CAMKK2: variants seen among roughly 807,000 people sequenced by gnomAD.
The protein encoded by CAMKK2 is calcium/calmodulin dependent protein kinase kinase 2.
Under a neutral mutation model 67.2 loss-of-function variants are expected in CAMKK2, and 30 were observed. That is an observed-to-expected ratio of 0.45 (90% CI 0.33 to 0.61). The LOEUF (loss-of-function observed/expected upper bound fraction) is 0.61. CAMKK2 is among the 20% of genes least tolerant of loss of function. The pLI is 0.02. For synonymous variants in CAMKK2, 322 were observed against 326.2 expected (o/e 0.99, Z 0.14); for missense variants, 643 against 802.0 (o/e 0.80, Z 2.39).
intron 14 of CAMKK2, among the ~76,000 whole-genome samples, chr12:121,246,586 C>A (rs914718832): frequency 3.9e-5 from 6 of 152,070 alleles, no homozygotes; most frequent in Non-Finnish European, 7.4e-5. Context: ...TCTTCCCCTA[C>A]TGAGGTTCTT....
At chr12:121,270,534 T>G (rs1895549386) in intron 3 of CAMKK2, among the ~76,000 whole-genome samples, 1 of 152,120 alleles carries the variant, frequency 6.6e-6, no homozygotes, top group South Asian at 2.1e-4. Flanking sequence ...TTACTTGTTT[T>G]CTACTGGCAT....
intron 1 of CAMKK2, among the ~76,000 whole-genome samples, chr12:121,293,783 T>C (rs1004115892): frequency 2.6e-5 from 4 of 152,022 alleles, no homozygotes; most frequent in African/African-American, 7.2e-5. Flanking sequence ...GACACCTCCT[T>C]CAGGGAGCCT....
At position 121,270,898 on chromosome 12, in the gene CAMKK2, C is replaced by G; in HGVS notation, c.519G>C (p.Lys173Asn). ...CCAGCCTAGCCCCAGGGATATTTAC[C>G]TTTCCAATTTCATCCTTCAGGGTAT... ...NQYTLKDEIG[K>N]GSYGVVKLAY... Residue 173 changes from lysine to asparagine, a missense_variant and splice_region_variant, in exon 3 of 17, where the codon AAG becomes AAC. Transcript: ENST00000404169. 1 of 1,612,810 alleles carries G rather than the reference C, an allele frequency of 6.2e-7. No homozygotes were observed. Among genetic ancestry groups the G allele is most frequent in the Non-Finnish European group, 8.5e-7 (1 of 1,178,868 alleles).
chr12:121,248,975 G>T (rs754556371), intron 13 of CAMKK2, among the ~76,000 whole-genome samples: 1 of 152,262 alleles, frequency 6.6e-6, no homozygotes, highest in African/African-American at 2.4e-5. Flanking sequence ...ATCCGGCCCC[G>T]GGTCTTGGCC....
intron 1 of CAMKK2, among the ~76,000 whole-genome samples, chr12:121,279,660 C>T (rs1897392465): frequency 6.6e-6 from 1 of 152,186 alleles, no homozygotes; most frequent in Admixed American, 6.5e-5. Context: ...TGCAAAGTTG[C>T]TTGGATTTGA....
chr12:121,271,469 C>A (rs979327447), intron 2 of CAMKK2, among the ~76,000 whole-genome samples: 1 of 151,492 alleles, frequency 6.6e-6, no homozygotes, highest in Non-Finnish European at 1.5e-5. Context: ...CAAAATGTAA[C>A]CACACACTGT....
intron 2 of CAMKK2, among the ~76,000 whole-genome samples, chr12:121,273,467 G>A (rs1452905185): frequency 2.6e-5 from 4 of 152,042 alleles, no homozygotes; most frequent in African/African-American, 4.8e-5. Context: ...CTGTATCCCC[G>A]CAGGGTTTAC....
At chr12:121,281,553 A>G (rs1249283089) in intron 1 of CAMKK2, among the ~76,000 whole-genome samples, 1 of 152,248 alleles carries the variant, frequency 6.6e-6, no homozygotes, top group African/African-American at 2.4e-5. Context: ...TCTTACATGT[A>G]GTAATTATAA....
chr12:121,263,194 G>A (rs916618623), intron 6 of CAMKK2, among the ~76,000 whole-genome samples: 6 of 152,136 alleles, frequency 3.9e-5, no homozygotes, highest in Non-Finnish European at 7.3e-5. Flanking sequence ...GTATGAGAAC[G>A]GCTGATCTAG....
At chr12:121,270,510 C>A (rs1176250796) in intron 3 of CAMKK2, among the ~76,000 whole-genome samples, 1 of 152,140 alleles carries the variant, frequency 6.6e-6, no homozygotes, top group Non-Finnish European at 1.5e-5. Flanking sequence ...GCATGCCTCA[C>A]TCCTTTATAT....
intron 5 of CAMKK2, among the ~76,000 whole-genome samples, chr12:121,265,864 C>CA (rs796770148): frequency 1.9e-3 from 265 of 135,912 alleles, no homozygotes; most frequent in African/African-American, 4.6e-3. Context: ...GACTCCGTCT[C>CA]AAAAAAAAAA....
At position 121,240,824 on chromosome 12, in the gene CAMKK2, G is replaced by A. The variant is rs377581001; in HGVS notation, c.1642C>T (p.Arg548Cys). Residue 548 changes from arginine to cysteine, a missense_variant, in exon 17 of 17, where the codon CGT (arginine) becomes TGT (cysteine). Around this residue, in one of 3 missense-constraint regions of CAMKK2, gnomAD observed 140 missense variants for 124.2 expected, o/e 1.13. Transcript: ENST00000404169. The surrounding 1 kb of genome is among the most constrained non-coding windows in gnomAD (Gnocchi z 4.4). ...ACAAGAGCACTTCCTCCTCCCCCAC[G>A]GGGGGCGGGTCGGTGCCCTGGAGGT... ...RQPPGHRPAP[R>C]GGGGSALVRG... 7 of 1,611,210 alleles carry A rather than the reference G, an allele frequency of 4.3e-6. No individual in the cohort carries two copies. Among genetic ancestry groups the A allele is most frequent in the Non-Finnish European group, 5.1e-6 (6 of 1,179,460 alleles).
intron 11 of CAMKK2, 123 bp from the exon 12 acceptor site, chr12:121,250,157 A>AG (rs1890381246): frequency 1.3e-6 from 1 of 779,190 alleles, no homozygotes; most frequent in African/African-American, 1.7e-5. Context: ...GGCCCAGGCT[A>AG]GGGGGCAAGC....
At chr12:121,297,354 C>G (rs1190849448), upstream of CAMKK2, 2 of 316,292 alleles carry the variant, frequency 6.3e-6, no homozygotes, top group African/African-American at 4.3e-5. Flanking sequence ...CCCCCTTCCG[C>G]AGCTGCCTGC....
In CAMKK2 at chr12:121,238,237, G is replaced by C. The variant is rs1887856077; in HGVS notation, c.*2462C>G. 1 of 152,452 alleles carries C rather than the reference G, an allele frequency of 6.6e-6. No homozygotes were observed. 9.4% of individuals were successfully genotyped at this position (152,452 alleles called of 1,614,324 possible). On this transcript the variant is annotated 3_prime_UTR_variant, in exon 17 of 17. Transcript: ENST00000404169. ...GCCACTGGCAGCTGGTGGGATGGAA[G>C]GGGGAGGTGGAAAAGGGCAGAGGAA...
At chr12:121,242,317 T>C (rs1317365206) in intron 16 of CAMKK2, among the ~76,000 whole-genome samples, 1 of 148,906 alleles carries the variant, frequency 6.7e-6, no homozygotes, top group Non-Finnish European at 1.5e-5. Context: ...CACTCCAACC[T>C]GGGCAACAGT....
intron 1 of CAMKK2, among the ~76,000 whole-genome samples, chr12:121,281,537 A>C (rs968143531): frequency 1.9e-4 from 29 of 152,328 alleles, no homozygotes; most frequent in Admixed American, 1.8e-3. Flanking sequence ...TCATTCATTC[A>C]TTTGTTCTTA....
intron 1 of CAMKK2, among the ~76,000 whole-genome samples, chr12:121,291,675 G>A (rs1442492857): frequency 1.3e-5 from 2 of 152,186 alleles, no homozygotes; most frequent in Non-Finnish European, 2.9e-5. Context: ...TTCCTCTGGG[G>A]GTGATGAAAA....
intron 13 of CAMKK2, 73 bp downstream of exon 13, chr12:121,249,714 G>C (rs1175901538): frequency 8.3e-7 from 1 of 1,201,824 alleles, no homozygotes; most frequent in Non-Finnish European, 1.2e-6. Context: ...TGGACACAAG[G>C]GTGTGGGGTC....
Sources: allele counts gnomAD v4.1 joint callset (sites outside exome capture counted in the v4.1 genomes callset), GRCh38; gene constraint gnomAD v4.1.1; regional missense constraint gnomAD v4.1.1; non-coding constraint Gnocchi (gnomAD v3.1); transcripts MANE v1.5; gene names NCBI Gene and HGNC (gene_info 2026-07-23, HGNC 2026-07-21).